The following WNT3 variants were observed in gnomAD, a reference collection of about 807,000 sequenced individuals.
The protein encoded by WNT3 is proto-oncogene Wnt-3.
Under a neutral mutation model 34.2 loss-of-function variants are expected in WNT3, and 7 were observed. The observed-to-expected ratio is 0.20, with a 90% CI of 0.12 to 0.38. WNT3 has a LOEUF of 0.38. WNT3 is among the 10% of genes least tolerant of loss of function. The pLI, the probability that WNT3 is intolerant of heterozygous loss-of-function variation, is 1.00. For missense variants in WNT3, 267 were observed against 499.8 expected, an observed-to-expected ratio of 0.53 and a Z score of 4.44; for synonymous variants, 212 against 211.5, an observed-to-expected ratio of 1.00 and a Z score of -0.02.
At chr17:46,817,960 G>C (rs1242663359) in intron 1 of WNT3, among the ~76,000 whole-genome samples, 1 of 152,150 alleles carries the variant, frequency 6.6e-6, no homozygotes, top group African/African-American at 2.4e-5. Context: ...GCGGTGGGGA[G>C]AATCTGATGA....
At chr17:46,779,225 G>A (rs1334966234) in intron 1 of WNT3, among the ~76,000 whole-genome samples, 4 of 152,158 alleles carry the variant, frequency 2.6e-5, no homozygotes, top group African/African-American at 4.8e-5. Flanking sequence ...CAGACCTCCC[G>A]GCATCCGGAG....
At chr17:46,807,800 G>T (rs910387111) in intron 1 of WNT3, among the ~76,000 whole-genome samples, 1 of 152,168 alleles carries the variant, frequency 6.6e-6, no homozygotes, top group Non-Finnish European at 1.5e-5. Context: ...GATCAGGGAA[G>T]GTCCACACGG....
intron 1 of WNT3, among the ~76,000 whole-genome samples, chr17:46,779,059 A>T (rs997899563): frequency 8.5e-5 from 7 of 82,684 alleles, no homozygotes; most frequent in East Asian, 7.0e-4. Flanking sequence ...CCCATCACAC[A>T]CACACACACA....
At chr17:46,780,635 G>A (rs1488866997) in intron 1 of WNT3, among the ~76,000 whole-genome samples, 7 of 152,170 alleles carry the variant, frequency 4.6e-5, no homozygotes, top group Non-Finnish European at 1.5e-5. Flanking sequence ...AATTAGCCGG[G>A]CGTGGTGGCA....
chr17:46,773,995 G>A, intron 1 of WNT3, 86 bp from the exon 2 acceptor site: 1 of 1,538,746 alleles, frequency 6.5e-7, no homozygotes, highest in South Asian at 1.2e-5. Flanking sequence ...GAACCCTCCG[G>A]GGTAGGTGGA....
At chr17:46,786,608 G>A (rs143797080) in intron 1 of WNT3, among the ~76,000 whole-genome samples, 195 of 152,372 alleles carry the variant, frequency 1.3e-3, no homozygotes, top group African/African-American at 4.6e-3. Context: ...CCACTTTGCT[G>A]CGCAGTTCAG....
In WNT3 at chr17:46,779,088, CACACACACACA is replaced by C. The variant is rs1333391542; in HGVS notation, c.81-5190_81-5180del. 3.4e-5 allele frequency among the ~76,000 whole-genome samples: 5 copies of C among 148,058 alleles called. No individual in the cohort carries two copies. In the East Asian group the frequency reaches 1.1e-3, roughly 31 times the overall value. On this transcript the variant is annotated intron_variant, in intron 1 of 4. Coordinates refer to ENST00000225512, the MANE Select transcript of WNT3 (RefSeq NM_030753.5). ...ACACACACACACACACACACACACA[CACACACACACA>C]CACACCCCAGCCCACTCGGCCTTCC...
intron 1 of WNT3, 54 bp from the exon 2 acceptor site, chr17:46,773,963 C>T: frequency 1.3e-6 from 2 of 1,589,670 alleles, no homozygotes; most frequent in Non-Finnish European, 1.7e-6. Context: ...AGAGCCCATC[C>T]TGGGCACCAT....
At chr17:46,769,235 G>T (rs571072341) in intron 3 of WNT3, among the ~76,000 whole-genome samples, 1 of 149,970 alleles carries the variant, frequency 6.7e-6, no homozygotes, top group African/African-American at 2.5e-5. Flanking sequence ...AGAATTGCTT[G>T]AACTCGGGAG....
intron 1 of WNT3, among the ~76,000 whole-genome samples, chr17:46,789,153 A>G (rs1413839900): frequency 6.6e-6 from 1 of 152,056 alleles, no homozygotes; most frequent in African/African-American, 2.4e-5. Context: ...CTCTTACCTG[A>G]ACCTGGAGCT....
chr17:46,816,475 G>GCACACACACACA (rs113581876), intron 1 of WNT3, among the ~76,000 whole-genome samples: 1 of 144,244 alleles, frequency 6.9e-6, no homozygotes. Context: ...CAGAACACAC[G>GCACACACACACA]CACACACACA....
At chr17:46,783,627 A>T (rs2146405900) in intron 1 of WNT3, among the ~76,000 whole-genome samples, 1 of 152,302 alleles carries the variant, frequency 6.6e-6, no homozygotes, top group Non-Finnish European at 1.5e-5. Context: ...CCTCTGGGCC[A>T]GAGGGTGCAC....
intron 1 of WNT3, among the ~76,000 whole-genome samples, chr17:46,781,709 A>T (rs1053838946): frequency 6.6e-6 from 1 of 152,224 alleles, no homozygotes; most frequent in Non-Finnish European, 1.5e-5. Flanking sequence ...AGTACACTTT[A>T]AAATGGTTAA....
At chr17:46,807,383 G>A (rs2084211741) in intron 1 of WNT3, among the ~76,000 whole-genome samples, 1 of 152,210 alleles carries the variant, frequency 6.6e-6, no homozygotes. Context: ...TTGGGAGGCT[G>A]AGGCAGGAGA....
chr17:46,809,911 C>T (rs1022594463), intron 1 of WNT3, among the ~76,000 whole-genome samples: 4 of 152,160 alleles, frequency 2.6e-5, no homozygotes, highest in African/African-American at 9.7e-5. Flanking sequence ...ATATCAACTC[C>T]TCAAGCTCAG....
chr17:46,774,192 G>C (rs1466497098), intron 1 of WNT3, among the ~76,000 whole-genome samples: 1 of 152,264 alleles, frequency 6.6e-6, no homozygotes, highest in Non-Finnish European at 1.5e-5. Flanking sequence ...CATGAAAAGA[G>C]GTTTGGACTA....
intron 2 of WNT3, among the ~76,000 whole-genome samples, chr17:46,773,131 A>G (rs1312617354): frequency 1.3e-5 from 2 of 152,136 alleles, no homozygotes; most frequent in Non-Finnish European, 2.9e-5. Flanking sequence ...AGACGGCCGG[A>G]AAGTTACCCA....
intron 1 of WNT3, among the ~76,000 whole-genome samples, chr17:46,795,710 A>G (rs9905755): frequency 0.99 from 150,242 of 152,328 alleles, 74,124 homozygotes; most frequent in East Asian, 1. Context: ...TGACTCACAA[A>G]CGATTCTGCC....
intron 1 of WNT3, among the ~76,000 whole-genome samples, chr17:46,813,108 CTT>C (rs2084297694): frequency 6.6e-6 from 1 of 151,960 alleles, no homozygotes; most frequent in East Asian, 1.9e-4. Context: ...GCAGCCAGCT[CTT>C]TGCGATTTAG....
Sources: gnomAD v4.1 joint callset for allele counts (sites outside exome capture counted in the v4.1 genomes callset) on GRCh38, gnomAD v4.1.1 for gene constraint, MANE v1.5 for transcripts, NCBI Gene and HGNC (gene_info 2026-07-23, HGNC 2026-07-21) for gene names.